The following HERC5 variants were observed in gnomAD, a reference collection of about 807,000 sequenced individuals.
HERC5 encodes HECT and RLD domain containing E3 ubiquitin protein ligase 5.
HERC5 carries 99 observed loss-of-function variants against 119.6 expected under a neutral mutation model. That is an observed-to-expected ratio of 0.83 (90% CI 0.70 to 0.98). The LOEUF (loss-of-function observed/expected upper bound fraction) is 0.98. Ranked by LOEUF, HERC5 falls within the 50% of genes least tolerant of loss-of-function variation. HERC5 has a pLI of 0.00. For missense variants in HERC5, 1,267 were observed against 1,241.3 expected (o/e 1.02, Z -0.31); for synonymous variants, 478 against 445.9 (o/e 1.07, Z -0.91).
At chr4:88,499,157 C>A (rs1422896758) in intron 18 of HERC5, among the ~76,000 whole-genome samples, 2 of 152,190 alleles carry the variant, frequency 1.3e-5, no homozygotes, top group African/African-American at 4.8e-5. Context: ...GCTGCACATA[C>A]CTCACTGTAT....
At chr4:88,459,998 TGAGC>T in intron 2 of HERC5, 93 bp from the exon 3 acceptor site, 1 of 638,704 alleles carries the variant, frequency 1.6e-6, no homozygotes, top group Admixed American at 3.5e-5. Context: ...AGTTTTTTCT[TGAGC>T]TTCATTTCTA....
intron 13 of HERC5, 152 bp from the exon 14 acceptor site, chr4:88,485,963 G>C (rs2149100902): frequency 2.3e-6 from 1 of 433,642 alleles, no homozygotes; most frequent in East Asian, 3.4e-5. Context: ...ATGAAAATTT[G>C]GGGCTCTGGC....
At position 88,499,562 on chromosome 4, in the gene HERC5, C is replaced by T. The variant is rs1009838605; in HGVS notation, c.2445-364C>T. ...CCTGAAATTTAATATGAGACCTATT[C>T]TGTAAGTAAAGTTCAAAAGCTTCAA... On this transcript the variant is annotated intron_variant, in intron 18 of 22. Transcript: ENST00000264350. Among the ~76,000 whole-genome samples, 21 of 152,156 alleles carry T rather than the reference C, an allele frequency of 1.4e-4. 1 individual carries two copies. The highest frequency in any genetic ancestry group is 5.1e-4 in the African/African-American group (21 of 41,428).
chr4:88,486,757 CCGTTTA>C (rs1422554801), intron 14 of HERC5, among the ~76,000 whole-genome samples: 1 of 152,184 alleles, frequency 6.6e-6, no homozygotes, highest in Non-Finnish European at 1.5e-5. Context: ...ATATCATTCT[CCGTTTA>C]TCAAATGCAA....
At position 88,457,243 on chromosome 4, in the gene HERC5, C is replaced by G. The variant is rs894677792; in HGVS notation, c.-27C>G. 28 of 1,308,852 alleles carry G rather than the reference C, an allele frequency of 2.1e-5. No homozygotes were observed. In the African/African-American group the frequency reaches 4.2e-4, roughly 19 times the overall value. The allele number at this position is 1,308,852 out of a possible 1,614,324, so 81.1% of individuals were successfully genotyped here. On this transcript the variant is annotated 5_prime_UTR_variant, in exon 1 of 23. Coordinates refer to ENST00000264350, the MANE Select transcript of HERC5 (RefSeq NM_016323.4). ...GACCAGGCGTTCTCTCCTCTCGCCT[C>G]TGGGCCTGGGACCCCGCAAAGCGGC...
At chr4:88,478,571 ATTG>A (rs750528125) in intron 12 of HERC5, among the ~76,000 whole-genome samples, 1 of 152,004 alleles carries the variant, frequency 6.6e-6, no homozygotes, top group Non-Finnish European at 1.5e-5. Flanking sequence ...TAGGGATTTT[ATTG>A]TTGTTAAATA....
rs114566307 is a variant in HERC5 at position 88,474,497 on chromosome 4, G to A, written c.1393-1344G>A. ...GATGATGAGCAAGGAGGTAGAATGC[G>A]TGTGTACTAATAAGATGTTGAAATA... On this transcript the variant is annotated intron_variant, in intron 11 of 22. Coordinates refer to ENST00000264350, the MANE Select transcript of HERC5 (RefSeq NM_016323.4). Among the ~76,000 whole-genome samples, 959 of 152,258 alleles carry A rather than the reference G, an allele frequency of 6.3e-3. 14 individuals are homozygous for A. The highest frequency in any genetic ancestry group is 0.022 in the African/African-American group (908 of 41,516).
At chr4:88,503,536 A>G (rs1423495900) in intron 20 of HERC5, among the ~76,000 whole-genome samples, 1 of 152,142 alleles carries the variant, frequency 6.6e-6, no homozygotes, top group Non-Finnish European at 1.5e-5. Context: ...AAGTTTCGTT[A>G]TTACTAAGCA....
chr4:88,492,693 C>T (rs1490446102), intron 16 of HERC5, among the ~76,000 whole-genome samples: 1 of 151,982 alleles, frequency 6.6e-6, no homozygotes, highest in African/African-American at 2.4e-5. Flanking sequence ...TTGCAGTGAG[C>T]CGAGATCAGA....
At chr4:88,500,315 C>G (rs1052365001) in intron 19 of HERC5, among the ~76,000 whole-genome samples, 1 of 152,212 alleles carries the variant, frequency 6.6e-6, no homozygotes, top group Non-Finnish European at 1.5e-5. Context: ...TCAGCTGGAA[C>G]AGCTTGTCTC....
At chr4:88,489,518 G>C (rs759641992) in intron 16 of HERC5, among the ~76,000 whole-genome samples, 182 bp downstream of exon 16, 1 of 152,142 alleles carries the variant, frequency 6.6e-6, no homozygotes, top group African/African-American at 2.4e-5. Flanking sequence ...CACTCACTCA[G>C]TATGTTTGGG....
chr4:88,479,433 G>A lies in HERC5; in HGVS notation c.1663G>A (p.Asp555Asn). The A allele has an allele frequency of 6.2e-7, 1 of 1,612,868 alleles. No individual in the cohort carries two copies. The highest frequency in any genetic ancestry group is 2.2e-5 in the East Asian group (1 of 44,850). Reference sequence around the variant, plus strand: ...TAAAACAGCCGTCATATGCCAGTTGGATTACTGGGATGAAAGTGCTGAGGA... The same window carrying A: ...TAAAACAGCCGTCATATGCCAGTTGAATTACTGGGATGAAAGTGCTGAGGA... ...MFKTAVICQLDYWDESAEENG... is the reference protein window; with the variant it reads ...MFKTAVICQLNYWDESAEENG... Residue 555 changes from aspartate to asparagine, a missense_variant, in exon 13 of 23, where the codon GAT becomes AAT. Asp to Asn is a conservative substitution (Grantham distance 23). This residue lies in a region of HERC5 where 777 missense variants were observed against 758.0 expected (regional missense o/e 1.03). Transcript: ENST00000264350.
At chr4:88,499,114 A>C (rs1741880185) in intron 18 of HERC5, among the ~76,000 whole-genome samples, 1 of 152,154 alleles carries the variant, frequency 6.6e-6, no homozygotes, top group Non-Finnish European at 1.5e-5. Flanking sequence ...TGCTCTTTTA[A>C]GCCTATACCT....
intron 13 of HERC5, among the ~76,000 whole-genome samples, chr4:88,483,653 T>C (rs1302326983): frequency 6.6e-6 from 1 of 151,066 alleles, no homozygotes; most frequent in African/African-American, 2.4e-5. Flanking sequence ...CTCAGCTTCC[T>C]GAGTAGCCAG....
At chr4:88,494,377 T>C in intron 18 of HERC5, 46 bp downstream of exon 18, 6 of 1,510,512 alleles carry the variant, frequency 4.0e-6, no homozygotes, top group Non-Finnish European at 5.4e-6. Flanking sequence ...TAACATATAT[T>C]TAGGCAAATA....
At chr4:88,478,697 C>G (rs901993858) in intron 12 of HERC5, among the ~76,000 whole-genome samples, 3 of 152,102 alleles carry the variant, frequency 2.0e-5, no homozygotes, top group Non-Finnish European at 2.9e-5. Flanking sequence ...CTGCAGCCTC[C>G]ACCTCCCAGT....
chr4:88,468,378 A>T lies in HERC5; in HGVS notation c.1090A>T (p.Ile364Phe). Residue 364 changes from isoleucine (I) to phenylalanine (F), a missense_variant, in exon 8 of 23, where the codon ATT becomes TTT. This residue lies in a region of HERC5 where 777 missense variants were observed against 758.0 expected (regional missense o/e 1.03). Transcript: ENST00000264350. ...TACCTCAGAAAAGGAGTTAATAATG[A>T]TTGCTGGAGGGAATCAAAGCATTTT... is the stretch of plus-strand genomic sequence containing the variant. Reference protein sequence around the residue: ...SHTSEKELIMIAGGNQSILLW... With the variant: ...SHTSEKELIMFAGGNQSILLW... 6.2e-7 allele frequency: 1 copy of T among 1,612,062 alleles called. No homozygotes were observed. The highest frequency in any genetic ancestry group is 8.5e-7 in the Non-Finnish European group (1 of 1,178,904).
chr4:88,478,134 C>T (rs1741148796), intron 12 of HERC5, among the ~76,000 whole-genome samples: 1 of 152,082 alleles, frequency 6.6e-6, no homozygotes, highest in African/African-American at 2.4e-5. Flanking sequence ...CTCACTGTCA[C>T]CTAGCTGGAG....
At chr4:88,481,384 A>G (rs751174030) in intron 13 of HERC5, among the ~76,000 whole-genome samples, 1 of 152,080 alleles carries the variant, frequency 6.6e-6, no homozygotes, top group Non-Finnish European at 1.5e-5. Flanking sequence ...GCTTACAAGA[A>G]TTCTTTCTAT....
Sources: gnomAD v4.1 joint callset for allele counts (sites outside exome capture counted in the v4.1 genomes callset) on GRCh38, gnomAD v4.1.1 for gene constraint, gnomAD v4.1.1 regional missense constraint, MANE v1.5 for transcripts, NCBI Gene and HGNC (gene_info 2026-07-23, HGNC 2026-07-21) for gene names.